CHFR: variants seen among roughly 807,000 people sequenced by gnomAD.
CHFR encodes checkpoint with forkhead and ring finger domains.
A neutral mutation model predicts 87.6 loss-of-function variants in CHFR; 57 were observed. The observed-to-expected ratio is 0.65, with a 90% confidence interval of 0.53 to 0.81. The LOEUF is 0.81. Ranked by LOEUF, CHFR falls within the 30% of genes least tolerant of loss-of-function variation. The probability of loss-of-function intolerance (pLI) is 0.00; values close to 1 mark genes in which losing one functional copy is unlikely to be tolerated. For synonymous variants in CHFR, 381 were observed against 359.2 expected, an observed-to-expected ratio of 1.06 and a Z score of -0.69; for missense variants, 797 against 865.8, an observed-to-expected ratio of 0.92 and a Z score of 1.00.
chr12:132,857,848 C>T (rs574731102), intron 8 of CHFR, among the ~76,000 whole-genome samples: 2 of 152,334 alleles, frequency 1.3e-5, no homozygotes, highest in East Asian at 3.9e-4. Flanking sequence ...CTTGAGTTCC[C>T]GCGGAAAAGC....
chr12:132,871,559 G>T lies in CHFR; in HGVS notation c.343+726C>A, dbSNP rs186843086. ...GGTTGAGGTGGGTGGATCACCTGAG[G>T]TCGGGAGTTTGAGACCAGCCTGTCC... On this transcript the variant is annotated intron_variant, in intron 4 of 17. Transcript: ENST00000450056. 7.6e-4 allele frequency among the ~76,000 whole-genome samples: 116 copies of T among 151,724 alleles called. 1 individual carries two copies. Among genetic ancestry groups the T allele is most frequent in the Middle Eastern group, 3.4e-3 (1 of 294 alleles).
At chr12:132,848,824 C>T in intron 12 of CHFR, 100 bp from the exon 13 acceptor site, 1 of 915,584 alleles carries the variant, frequency 1.1e-6, no homozygotes, top group Non-Finnish European at 1.7e-6. Context: ...TTTCTGGAAA[C>T]ATTGTTCAGG....
chr12:132,875,905 T>C (rs1006652704), intron 3 of CHFR, among the ~76,000 whole-genome samples: 1 of 151,754 alleles, frequency 6.6e-6, no homozygotes, highest in African/African-American at 2.4e-5. Flanking sequence ...CCGGGCGCGA[T>C]GGCTCACGCC....
chr12:132,870,874 T>C, intron 4 of CHFR, 91 bp from the exon 5 acceptor site: 1 of 750,700 alleles, frequency 1.3e-6, no homozygotes, highest in South Asian at 1.7e-5. Context: ...CCATTTGTTT[T>C]TGTTGATTAT....
Position 132,870,716 on chromosome 12 carries a change from TTACTTAC to T in CHFR, c.403+1_403+7del. Reference sequence around the variant, plus strand: ...ATGCACCCACTTCTTTGCTACACTCTTACTTACCAAAGGATTCTTGTGTCATGCCTTG... The same window carrying T: ...ATGCACCCACTTCTTTGCTACACTCTCAAAGGATTCTTGTGTCATGCCTTG... On this transcript the variant is annotated splice_donor_variant and splice_donor_5th_base_variant and intron_variant, in intron 5 of 17. Transcript: ENST00000450056. LOFTEE classifies it high-confidence loss of function. The T allele has an allele frequency of 6.3e-7, 1 of 1,592,414 alleles. No homozygotes were observed. Among genetic ancestry groups the T allele is most frequent in the South Asian group, 1.1e-5 (1 of 90,528 alleles).
intron 12 of CHFR, 44 bp from the exon 13 acceptor site, chr12:132,848,768 C>G (rs1215568808): frequency 7.2e-7 from 1 of 1,394,728 alleles, no homozygotes; most frequent in East Asian, 2.5e-5. Context: ...GCGCTGAGGG[C>G]TGTCTCCAAC....
rs997270031 is a variant in CHFR, at chr12:132,853,801, C to T, written c.1230-228G>A. The T allele has an allele frequency of 3.6e-5, 19 of 527,672 alleles. No homozygotes were observed. The East Asian group carries it at 3.6e-4, about 10-fold the overall frequency. The allele number at this position is 527,672 out of a possible 1,614,324, so 32.7% of individuals were successfully genotyped here. A position where few individuals can be genotyped will look rare whatever the true frequency, so the allele number is the denominator to read the frequency against. On this transcript the variant is annotated intron_variant, in intron 10 of 17. Coordinates refer to ENST00000450056, the MANE Select transcript of CHFR (RefSeq NM_001161346.2). ...CTCTGCATCCCCAGCTCAGCCCCCA[C>T]GCTTTGGAGCCCCATCCCCAGGGTC...
In CHFR at chr12:132,847,445, C is replaced by T. The variant is rs563257184; in HGVS notation, c.1648-315G>A. The T allele has an allele frequency of 1.5e-5, 17 of 1,128,256 alleles. No individual in the cohort carries two copies. The East Asian group carries it at 3.6e-4, about 24-fold the overall frequency. 69.9% of individuals were successfully genotyped at this position (1,128,256 alleles called of 1,614,324 possible). A position where few individuals can be genotyped will look rare whatever the true frequency, so the allele number is the denominator to read the frequency against. On this transcript the variant is annotated intron_variant, in intron 14 of 17. Coordinates refer to ENST00000450056, the MANE Select transcript of CHFR (RefSeq NM_001161346.2). ...GGCCACAGTGCACACAGCCCAGCAA[C>T]GAGCCCAGGCTGTTGCACAAGAAAA... is the stretch of plus-strand genomic sequence containing the variant.
chr12:132,874,902 C>G (rs113109257), intron 3 of CHFR, among the ~76,000 whole-genome samples: 1 of 134,148 alleles, frequency 7.5e-6, no homozygotes, highest in Non-Finnish European at 1.6e-5. Context: ...GCACCCAGCG[C>G]GGGGAAGCCA....
intron 15 of CHFR, 52 bp downstream of exon 15, chr12:132,846,991 A>G (rs1593450028): frequency 1.5e-6 from 2 of 1,341,324 alleles, no homozygotes; most frequent in Non-Finnish European, 2.1e-6. Flanking sequence ...ACGCAGGCAC[A>G]GCCCTGGACA....
At chr12:132,886,089 A>G (rs767493226) in intron 2 of CHFR, among the ~76,000 whole-genome samples, 11 of 152,228 alleles carry the variant, frequency 7.2e-5, no homozygotes, top group Non-Finnish European at 1.6e-4. Flanking sequence ...AAGCAGGTGA[A>G]TCACTTTAGT....
Sources: allele counts gnomAD v4.1 joint callset (sites outside exome capture counted in the v4.1 genomes callset), GRCh38; gene constraint gnomAD v4.1.1; transcripts MANE v1.5; gene names NCBI Gene and HGNC (gene_info 2026-07-23, HGNC 2026-07-21).